SAMD5: variants seen among roughly 807,000 people sequenced by gnomAD.
The protein encoded by SAMD5 is sterile alpha motif domain-containing protein 5.
SAMD5 carries 13 observed loss-of-function variants against 11.3 expected under a neutral mutation model. That is an observed-to-expected ratio of 1.15 (90% CI 0.75 to 1.83). The LOEUF is 1.83. Ranked by LOEUF, SAMD5 falls within the 40% of genes most tolerant of loss-of-function variation. SAMD5 has a pLI of 0.00. For missense variants in SAMD5, 255 were observed against 239.1 expected (o/e 1.07, Z -0.44); for synonymous variants, 129 against 111.3 (o/e 1.16, Z -1.00).
In SAMD5 at chr6:147,569,219, TAAAAA is replaced by T. The variant is rs71552979; in HGVS notation, c.*4775_*4779del. ...CTGGGCAACAGAGTGAGACTCTGTC[TAAAAA>T]AAAAAAAAAAAGAAAAGAAAAAAGA... On this transcript the variant is annotated 3_prime_UTR_variant, in exon 2 of 2. Coordinates refer to ENST00000367474, the MANE Select transcript of SAMD5 (RefSeq NM_001030060.3). 1.9e-5 allele frequency: 4 copies of T among 215,914 alleles called. No homozygotes were observed. The Admixed American group carries it at 2.6e-4, about 14-fold the overall frequency. 13.4% of individuals were successfully genotyped at this position (215,914 alleles called of 1,614,324 possible).
At chr6:147,720,835 C>T in intron 1 of SAMD5, among the ~76,000 whole-genome samples, 1 of 136,774 alleles carries the variant, frequency 7.3e-6, no homozygotes, top group East Asian at 2.3e-4. Flanking sequence ...TCTCCCAATG[C>T]TATCCCTCCC....
At chr6:147,524,508 C>T (rs1394183770) in intron 1 of SAMD5, among the ~76,000 whole-genome samples, 6 of 151,222 alleles carry the variant, frequency 4.0e-5, no homozygotes, top group East Asian at 1.9e-4. Context: ...ACCTTTTCAT[C>T]GTGCTTTGAT....
chr6:147,877,895 C>CTAGA, the SAMD5 span, among the ~76,000 whole-genome samples: 6 of 59,964 alleles, frequency 1.0e-4, no homozygotes, highest in South Asian at 1.7e-3. Flanking sequence ...AGATAGATAG[C>CTAGA]TAGATAGATA....
chr6:147,647,343 A>G (rs547846530), intron 1 of SAMD5, among the ~76,000 whole-genome samples: 79 of 152,264 alleles, frequency 5.2e-4, no homozygotes, highest in Admixed American at 1.2e-3. Context: ...GGGATGATCA[A>G]GATGAGGTTA....
the SAMD5 span, among the ~76,000 whole-genome samples, chr6:147,840,200 C>T: frequency 6.6e-6 from 1 of 152,198 alleles, no homozygotes; most frequent in Admixed American, 6.5e-5. Flanking sequence ...TAGCTTCACA[C>T]CCTCTAGAGA....
the SAMD5 span, among the ~76,000 whole-genome samples, chr6:147,802,089 C>T: frequency 2.0e-5 from 3 of 152,118 alleles, no homozygotes; most frequent in African/African-American, 7.2e-5. Flanking sequence ...ATGTCCTGTT[C>T]ATTAGCAGAC....
At chr6:147,827,483 T>A in the SAMD5 span, among the ~76,000 whole-genome samples, 3 of 152,208 alleles carry the variant, frequency 2.0e-5, no homozygotes, top group Admixed American at 6.5e-5. Flanking sequence ...GCGGAACCTG[T>A]ACTGGACCAG....
chr6:147,723,447 G>T (rs1399491985), intron 1 of SAMD5, among the ~76,000 whole-genome samples: 4 of 152,100 alleles, frequency 2.6e-5, no homozygotes, highest in Non-Finnish European at 5.9e-5. Context: ...GCAGCTTAAG[G>T]CTTTTTCTTC....
the SAMD5 span, among the ~76,000 whole-genome samples, chr6:147,789,365 G>A: frequency 6.6e-6 from 1 of 151,776 alleles, no homozygotes; most frequent in Admixed American, 6.6e-5. Context: ...ACAGGTAAGT[G>A]CCATAACTTT....
intron 1 of SAMD5, among the ~76,000 whole-genome samples, chr6:147,515,115 A>G (rs999684340): frequency 2.6e-5 from 4 of 151,628 alleles, no homozygotes; most frequent in African/African-American, 9.7e-5. Context: ...GAAGCTGGAA[A>G]ACTTCAGCTT....
chr6:147,584,445 C>T (rs1165090099), intron 1 of SAMD5, among the ~76,000 whole-genome samples: 1 of 152,204 alleles, frequency 6.6e-6, no homozygotes, highest in African/African-American at 2.4e-5. Flanking sequence ...ACCACAGCAT[C>T]GGAGTACTGG....
the SAMD5 span, among the ~76,000 whole-genome samples, chr6:147,917,396 A>C: frequency 4.0e-5 from 6 of 150,040 alleles, no homozygotes; most frequent in Admixed American, 1.3e-4. Flanking sequence ...CCACTTTTTG[A>C]TGGGGTTGTT....
chr6:147,532,385 A>C (rs1025377811), intron 1 of SAMD5, among the ~76,000 whole-genome samples: 5 of 151,966 alleles, frequency 3.3e-5, no homozygotes, highest in African/African-American at 7.3e-5. Flanking sequence ...AAGTGAGAAC[A>C]TATGATATTT....
chr6:147,822,152 C>A, the SAMD5 span, among the ~76,000 whole-genome samples: 24 of 152,266 alleles, frequency 1.6e-4, no homozygotes, highest in African/African-American at 5.5e-4. Context: ...TTTATATGAT[C>A]AATCCAGTTG....
At chr6:147,763,834 G>A in the SAMD5 span, among the ~76,000 whole-genome samples, 5 of 152,082 alleles carry the variant, frequency 3.3e-5, no homozygotes, top group Non-Finnish European at 7.4e-5. Context: ...CGCCTGCCTC[G>A]GCCTCCCAAA....
intron 1 of SAMD5, among the ~76,000 whole-genome samples, chr6:147,612,620 C>T (rs1156414566): frequency 6.6e-6 from 1 of 152,156 alleles, no homozygotes; most frequent in African/African-American, 2.4e-5. Flanking sequence ...CTACTCAAAT[C>T]CTGCTCTTGA....
At chr6:147,645,244 G>T (rs1040487876) in intron 1 of SAMD5, among the ~76,000 whole-genome samples, 2 of 152,134 alleles carry the variant, frequency 1.3e-5, no homozygotes, top group Non-Finnish European at 2.9e-5. Context: ...CCACTTGGGG[G>T]TCACTGGGCC....
At chr6:147,521,817 G>C (rs1788259114) in intron 1 of SAMD5, among the ~76,000 whole-genome samples, 1 of 152,028 alleles carries the variant, frequency 6.6e-6, no homozygotes, top group South Asian at 2.1e-4. Context: ...TGTGGAGAGT[G>C]GGTGTTCTTG....
At chr6:147,703,498 TCCACACAC>T (rs1158982186) in intron 1 of SAMD5, among the ~76,000 whole-genome samples, 1 of 152,232 alleles carries the variant, frequency 6.6e-6, no homozygotes, top group Admixed American at 6.5e-5. Flanking sequence ...GAAACACATT[TCCACACAC>T]GAGAACTTTT....
Sources: gnomAD v4.1 joint callset for allele counts (sites outside exome capture counted in the v4.1 genomes callset) on GRCh38, gnomAD v4.1.1 for gene constraint, MANE v1.5 for transcripts, NCBI Gene and HGNC (gene_info 2026-07-23, HGNC 2026-07-21) for gene names.